The following RALGAPB variants were observed in gnomAD, a reference collection of about 807,000 sequenced individuals.
The protein encoded by RALGAPB is ral GTPase-activating protein subunit beta.
A neutral mutation model predicts 161.1 loss-of-function variants in RALGAPB; 25 were observed. The observed-to-expected ratio is 0.16, with a 90% CI of 0.11 to 0.22. RALGAPB has a LOEUF of 0.22. RALGAPB is among the 10% of genes least tolerant of loss of function. RALGAPB has a pLI of 1.00. For missense variants in RALGAPB, 1,391 were observed against 1,815.2 expected (o/e 0.77, Z 4.25); for synonymous variants, 629 against 626.1 (o/e 1.00, Z -0.07).
chr20:38,508,409 C>CT (rs1281604908), intron 5 of RALGAPB, among the ~76,000 whole-genome samples: 5 of 151,992 alleles, frequency 3.3e-5, no homozygotes, highest in Admixed American at 6.5e-5. Context: ...CAAGGAAAAA[C>CT]TTTAAGAATC....
intron 23 of RALGAPB, 55 bp downstream of exon 23, chr20:38,558,508 C>G: frequency 7.4e-7 from 1 of 1,359,554 alleles, no homozygotes; most frequent in East Asian, 2.6e-5. Context: ...AAATACACGT[C>G]TAAAGAAAAA....
rs755930114 is a variant in RALGAPB, at chr20:38,475,564, C to T, written c.-31+2495C>T. 5.3e-5 allele frequency among the ~76,000 whole-genome samples: 8 copies of T among 151,248 alleles called. No individual in the cohort carries two copies. The East Asian group carries it at 1.2e-3, about 22-fold the overall frequency. On this transcript the variant is annotated intron_variant, in intron 1 of 29. Coordinates refer to ENST00000262879, the MANE Select transcript of RALGAPB (RefSeq NM_020336.4). ...GATTTTTTTTTGTATAGCAATTAAA[C>T]ATGACAAAGTATGTAGACTGAATTA...
At chr20:38,565,276 C>T in intron 24 of RALGAPB, 83 bp from the exon 25 acceptor site, 6 of 1,472,686 alleles carry the variant, frequency 4.1e-6, no homozygotes, top group East Asian at 2.3e-5. Context: ...CTTTATTAAC[C>T]AGTTAACATT....
Position 38,521,598 on chromosome 20 carries a change from G to C in RALGAPB, c.1519G>C (p.Asp507His). ...NPMFDASEFP[D>H]NYEAGRAEAC... Reference sequence around the variant, plus strand: ...TATGTTTGATGCAAGTGAATTTCCTGATAACTATGAAGCAGGAAGAGCTGA... The same window carrying C: ...TATGTTTGATGCAAGTGAATTTCCTCATAACTATGAAGCAGGAAGAGCTGA... The change falls in exon 10 of 30, where the codon GAT becomes CAT. Residue 507 changes from aspartate (D) to histidine (H), a missense_variant. This residue lies in a region of RALGAPB where 946 missense variants were observed against 1,257.2 expected (regional missense o/e 0.75). Coordinates refer to ENST00000262879, the MANE Select transcript of RALGAPB (RefSeq NM_020336.4). 1 of 1,614,216 alleles carries C rather than the reference G, an allele frequency of 6.2e-7. No homozygotes were observed. Among genetic ancestry groups the C allele is most frequent in the Non-Finnish European group, 8.5e-7 (1 of 1,180,038 alleles).
At chr20:38,541,941 A>G (rs756537082) in intron 18 of RALGAPB, among the ~76,000 whole-genome samples, 3 of 152,118 alleles carry the variant, frequency 2.0e-5, no homozygotes, top group Admixed American at 6.5e-5. Flanking sequence ...CTGTTTTGAG[A>G]ATTTTGGTGT....
At chr20:38,573,315 C>CTT (rs71869594) in intron 28 of RALGAPB, among the ~76,000 whole-genome samples, 1 of 143,424 alleles carries the variant, frequency 7.0e-6, no homozygotes, top group African/African-American at 2.6e-5. Context: ...ATTGATTTTT[C>CTT]TTTTTTTTTT....
chr20:38,568,262 CAAAA>C (rs11479909), intron 26 of RALGAPB, among the ~76,000 whole-genome samples: 1 of 140,018 alleles, frequency 7.1e-6, no homozygotes, highest in African/African-American at 2.6e-5. Context: ...AAAACAAAAA[CAAAA>C]AAAAAACAAA....
At chr20:38,477,643 C>T (rs1282778887) in intron 1 of RALGAPB, among the ~76,000 whole-genome samples, 1 of 152,104 alleles carries the variant, frequency 6.6e-6, no homozygotes, top group Non-Finnish European at 1.5e-5. Context: ...TTTATTTGCT[C>T]AGTGTTTTAG....
chr20:38,509,314 C>A, intron 6 of RALGAPB, 106 bp downstream of exon 6: 1 of 1,230,624 alleles, frequency 8.1e-7, no homozygotes. Context: ...ACACTAAGCC[C>A]CATTCATCAA....
intron 22 of RALGAPB, among the ~76,000 whole-genome samples, chr20:38,556,374 A>T (rs2087586595): frequency 1.3e-5 from 2 of 152,164 alleles, no homozygotes; most frequent in Non-Finnish European, 2.9e-5. Context: ...AGGAAAGTCA[A>T]TGAAATGTTA....
intron 15 of RALGAPB, among the ~76,000 whole-genome samples, chr20:38,534,174 A>G (rs991083384): frequency 1.3e-5 from 2 of 151,972 alleles, no homozygotes; most frequent in African/African-American, 2.4e-5. Context: ...CAAAAACAAA[A>G]AAAGAAATTT....
rs764436188 is a variant in RALGAPB at position 38,575,746 on chromosome 20, G to T, written c.*779G>T. Reference sequence around the variant, plus strand: ...GTGATACCCCACTCTCTCCATTATTGTCCAGCGGGGTGACATAATGACAGG... The same window carrying T: ...GTGATACCCCACTCTCTCCATTATTTTCCAGCGGGGTGACATAATGACAGG... On this transcript the variant is annotated 3_prime_UTR_variant, in exon 30 of 30. Coordinates refer to ENST00000262879, the MANE Select transcript of RALGAPB (RefSeq NM_020336.4). The T allele has an allele frequency of 3.9e-5, 6 of 152,212 alleles. No individual in the cohort carries two copies. Among genetic ancestry groups the T allele is most frequent in the Non-Finnish European group, 8.8e-5 (6 of 68,018 alleles). The allele number at this position is 152,212 out of a possible 1,614,324, so 9.4% of individuals were successfully genotyped here.
Position 38,565,486 on chromosome 20 carries a change from G to T in RALGAPB, c.3817+8G>T. ...CTCCTGTGGAGTCCTTAAGTAAGAT[G>T]ATTTTTGCATGGTCCTGTTTTAGGA... On this transcript the variant is annotated splice_region_variant and intron_variant, in intron 25 of 29. Transcript: ENST00000262879. 1 of 1,612,368 alleles carries T rather than the reference G, an allele frequency of 6.2e-7. No individual in the cohort carries two copies. Among genetic ancestry groups the T allele is most frequent in the South Asian group, 1.1e-5 (1 of 90,902 alleles).
intron 22 of RALGAPB, 31 bp downstream of exon 22, chr20:38,554,107 T>C (rs370916520): frequency 1.1e-5 from 16 of 1,515,850 alleles, no homozygotes; most frequent in Middle Eastern, 1.7e-4. Context: ...TGAATAAATA[T>C]ATTCACAAGT....
At chr20:38,544,757 C>A (rs1386255190) in intron 18 of RALGAPB, among the ~76,000 whole-genome samples, 2 of 152,202 alleles carry the variant, frequency 1.3e-5, no homozygotes, top group African/African-American at 4.8e-5. Flanking sequence ...TGTGAGCCTT[C>A]TGCACCCAGC....
At chr20:38,482,215 G>A (rs967670944) in intron 1 of RALGAPB, among the ~76,000 whole-genome samples, 2 of 152,156 alleles carry the variant, frequency 1.3e-5, no homozygotes, top group South Asian at 4.1e-4. Flanking sequence ...AGTGGTAGTG[G>A]ATCATAAAGG....
chr20:38,541,294 G>A, intron 18 of RALGAPB, 102 bp downstream of exon 18: 1 of 1,142,528 alleles, frequency 8.8e-7, no homozygotes, highest in Non-Finnish European at 1.2e-6. Context: ...ATTGCGTGAT[G>A]CAGCCCCTTT....
chr20:38,543,223 C>G (rs1051575262), intron 18 of RALGAPB, among the ~76,000 whole-genome samples: 1 of 152,212 alleles, frequency 6.6e-6, no homozygotes, highest in Non-Finnish European at 1.5e-5. Context: ...TCTCTGTTCT[C>G]TCACAATTGC....
At chr20:38,503,217 G>C (rs2085648210) in intron 5 of RALGAPB, among the ~76,000 whole-genome samples, 1 of 152,118 alleles carries the variant, frequency 6.6e-6, no homozygotes, top group Non-Finnish European at 1.5e-5. Flanking sequence ...ATTTGTTATT[G>C]GTAAGGCTTC....
Sources: allele counts gnomAD v4.1 joint callset (sites outside exome capture counted in the v4.1 genomes callset), GRCh38; gene constraint gnomAD v4.1.1; regional missense constraint gnomAD v4.1.1; transcripts MANE v1.5; gene names NCBI Gene and HGNC (gene_info 2026-07-23, HGNC 2026-07-21).